CLEC16A: variants seen among roughly 807,000 people sequenced by gnomAD.
The protein encoded by CLEC16A is C-type lectin domain containing 16A, also known as protein CLEC16A.
A neutral mutation model predicts 109.5 loss-of-function variants in CLEC16A; 51 were observed. That is an observed-to-expected ratio of 0.47 (90% CI 0.37 to 0.59). The LOEUF is 0.59. Ranked by LOEUF, CLEC16A falls within the 20% of genes least tolerant of loss-of-function variation. The probability of loss-of-function intolerance (pLI) is 0.00; values close to 1 mark genes in which losing one functional copy is unlikely to be tolerated. For synonymous variants in CLEC16A, 673 were observed against 564.2 expected, an observed-to-expected ratio of 1.19 and a Z score of -2.73; for missense variants, 1,339 against 1,394.0, an observed-to-expected ratio of 0.96 and a Z score of 0.63.
chr16:11,057,906 CAG>C (rs1468078482), intron 18 of CLEC16A, among the ~76,000 whole-genome samples: 2 of 152,124 alleles, frequency 1.3e-5, no homozygotes, highest in African/African-American at 2.4e-5. Context: ...AGGAACCATG[CAG>C]AGTCATTAAA....
At chr16:10,991,209 GT>G (rs1295960226) in intron 10 of CLEC16A, among the ~76,000 whole-genome samples, 1 of 152,034 alleles carries the variant, frequency 6.6e-6, no homozygotes. Flanking sequence ...AGGCTGGAGT[GT>G]TACAGTTCTC....
intron 10 of CLEC16A, among the ~76,000 whole-genome samples, chr16:10,985,802 C>A (rs1432318391): frequency 6.6e-6 from 1 of 151,886 alleles, no homozygotes; most frequent in African/African-American, 2.4e-5. Flanking sequence ...ACTGCAGCCT[C>A]TGCCTCTGGG....
chr16:11,128,222 C>T (rs1399838151), intron 22 of CLEC16A, among the ~76,000 whole-genome samples: 4 of 152,234 alleles, frequency 2.6e-5, no homozygotes, highest in East Asian at 3.9e-4. Flanking sequence ...TGGAGCCAAG[C>T]GGCCCATTCT....
At chr16:11,046,098 G>A (rs776094596) in intron 16 of CLEC16A, among the ~76,000 whole-genome samples, 5 of 152,080 alleles carry the variant, frequency 3.3e-5, no homozygotes, top group Non-Finnish European at 5.9e-5. Flanking sequence ...AAACCTCAGG[G>A]TTGCATTAGT....
At chr16:11,161,197 C>T (rs1490505243) in intron 22 of CLEC16A, among the ~76,000 whole-genome samples, 1 of 152,198 alleles carries the variant, frequency 6.6e-6, no homozygotes, top group Non-Finnish European at 1.5e-5. Context: ...ACACTAAATA[C>T]CTAAACATCT....
intron 18 of CLEC16A, among the ~76,000 whole-genome samples, chr16:11,053,050 C>G (rs897739629): frequency 2.6e-5 from 4 of 152,068 alleles, no homozygotes; most frequent in African/African-American, 7.2e-5. Context: ...GCTACCACAC[C>G]TAGCTAATTT....
At chr16:11,089,329 C>G (rs917113504) in intron 19 of CLEC16A, among the ~76,000 whole-genome samples, 1 of 152,104 alleles carries the variant, frequency 6.6e-6, no homozygotes, top group Non-Finnish European at 1.5e-5. Context: ...GCTTATCTGC[C>G]GTCATTGCAT....
At chr16:10,963,463 A>G (rs1226417900) in intron 3 of CLEC16A, among the ~76,000 whole-genome samples, 1 of 152,148 alleles carries the variant, frequency 6.6e-6, no homozygotes. Flanking sequence ...GTTCTTCTTT[A>G]TGACTTGCTA....
intron 10 of CLEC16A, among the ~76,000 whole-genome samples, chr16:11,000,540 G>A (rs2044607240): frequency 6.6e-6 from 1 of 152,178 alleles, no homozygotes; most frequent in Non-Finnish European, 1.5e-5. Context: ...GAGAAGATGA[G>A]AGGGCGACTA....
chr16:11,140,030 A>G (rs1442330184), intron 22 of CLEC16A, among the ~76,000 whole-genome samples: 1 of 152,250 alleles, frequency 6.6e-6, no homozygotes, highest in Non-Finnish European at 1.5e-5. Context: ...GGAGTCTCAA[A>G]GTTCATCCCT....
At chr16:11,067,162 T>C (rs2048807953) in intron 19 of CLEC16A, among the ~76,000 whole-genome samples, 1 of 147,644 alleles carries the variant, frequency 6.8e-6, no homozygotes, top group African/African-American at 2.5e-5. Flanking sequence ...GGGGGTTTTT[T>C]TTTTGGTTTT....
intron 19 of CLEC16A, among the ~76,000 whole-genome samples, chr16:11,112,125 A>G (rs758969716): frequency 2.0e-5 from 3 of 152,300 alleles, no homozygotes; most frequent in South Asian, 2.1e-4. Context: ...TCAAAAGTAC[A>G]ATGTAGGCAG....
At position 11,155,996 on chromosome 16, in the gene CLEC16A, G is replaced by A. The variant is rs1400953135; in HGVS notation, c.2642-10392G>A. Among the ~76,000 whole-genome samples, 3 of 152,162 alleles carry A rather than the reference G, an allele frequency of 2.0e-5. No homozygotes were observed. In the East Asian group the frequency reaches 5.8e-4, roughly 29 times the overall value. On this transcript the variant is annotated intron_variant, in intron 22 of 23. Coordinates refer to ENST00000409790, the MANE Select transcript of CLEC16A (RefSeq NM_015226.3). Reference sequence around the variant, plus strand: ...AACATGTCAGTGTAGGATACACACTGTACGGCCTCCCTGCTTCTGGCCAAA... The same window carrying A: ...AACATGTCAGTGTAGGATACACACTATACGGCCTCCCTGCTTCTGGCCAAA...
intron 10 of CLEC16A, among the ~76,000 whole-genome samples, chr16:10,984,091 G>C (rs945920848): frequency 6.6e-6 from 1 of 152,136 alleles, no homozygotes; most frequent in Non-Finnish European, 1.5e-5. Context: ...CTCAGGCAGT[G>C]GCCAGGCTGG....
rs879211536 is a variant in CLEC16A at position 11,042,124 on chromosome 16, C to A, written c.1661-130C>A. On this transcript the variant is annotated intron_variant, in intron 14 of 23. Transcript: ENST00000409790. ...ATGGGGGGTTCCCACTGTGTCCCCA[C>A]TGGATGTTGGGAGCCATGAGCAGTT... 55 of 640,854 alleles carry A rather than the reference C, an allele frequency of 8.6e-5. No homozygotes were observed. The South Asian group carries it at 1.0e-3, about 12-fold the overall frequency. The allele number at this position is 640,854 out of a possible 1,614,324, so 39.7% of individuals were successfully genotyped here. A position where few individuals can be genotyped will look rare whatever the true frequency, so the allele number is the denominator to read the frequency against.
At chr16:11,090,642 T>C (rs1486593126) in intron 19 of CLEC16A, among the ~76,000 whole-genome samples, 1 of 152,048 alleles carries the variant, frequency 6.6e-6, no homozygotes, top group East Asian at 1.9e-4. Context: ...GTTTCTATTT[T>C]ATTTTATTTA....
rs576453478 is a variant in CLEC16A, at chr16:11,043,079, T to C, written c.1770+716T>C. ...GTGTATATATGTTTGTGTATATATA[T>C]ACACACACACACACACATGCTTACA... On this transcript the variant is annotated intron_variant, in intron 15 of 23. Coordinates refer to ENST00000409790, the MANE Select transcript of CLEC16A (RefSeq NM_015226.3). Among the ~76,000 whole-genome samples, 244 of 150,824 alleles carry C rather than the reference T, an allele frequency of 1.6e-3. 2 individuals carry two copies. The Middle Eastern group carries it at 0.024, about 15-fold the overall frequency.
intron 16 of CLEC16A, among the ~76,000 whole-genome samples, chr16:11,045,768 C>G (rs2047604571): frequency 6.6e-6 from 1 of 152,238 alleles, no homozygotes; most frequent in Non-Finnish European, 1.5e-5. Context: ...GGTGGCAACA[C>G]TGCCATTTCC....
chr16:11,132,618 G>A (rs2053291608), intron 22 of CLEC16A, among the ~76,000 whole-genome samples: 1 of 152,212 alleles, frequency 6.6e-6, no homozygotes, highest in Non-Finnish European at 1.5e-5. Context: ...CTAACTTTCT[G>A]AGGAATTGCC....
Sources: gnomAD v4.1 joint callset for allele counts (sites outside exome capture counted in the v4.1 genomes callset) on GRCh38, gnomAD v4.1.1 for gene constraint, MANE v1.5 for transcripts, NCBI Gene and HGNC (gene_info 2026-07-23, HGNC 2026-07-21) for gene names.